Variants in NSL1 observed in about 807,000 individuals in gnomAD.
NSL1 encodes the protein NSL1 component of MIS12 kinetochore complex.
NSL1 carries 11 observed loss-of-function variants against 25.4 expected under a neutral mutation model. The ratio of observed to expected loss-of-function variants is 0.43; its 90% CI spans 0.27 to 0.72. The LOEUF is 0.72. Among genes scored for constraint, NSL1 ranks in the 30% least tolerant of loss-of-function variants. NSL1 has a pLI of 0.19. For missense variants in NSL1, 330 were observed against 342.7 expected (o/e 0.96, Z 0.29); for synonymous variants, 118 against 120.6 (o/e 0.98, Z 0.14).
intron 2 of NSL1, among the ~76,000 whole-genome samples, chr1:212,785,353 T>G (rs1218272150): frequency 3.9e-5 from 6 of 152,172 alleles, no homozygotes; most frequent in Admixed American, 3.9e-4. Flanking sequence ...AGATTTTTTT[T>G]TTAATACTTT....
intron 4 of NSL1, among the ~76,000 whole-genome samples, chr1:212,756,952 G>C (rs1394418636): frequency 6.6e-6 from 1 of 152,192 alleles, no homozygotes; most frequent in East Asian, 1.9e-4. Flanking sequence ...AAGTGGCAGA[G>C]AAAAATAAAG....
At chr1:212,747,414 T>G (rs1020355467) in intron 4 of NSL1, among the ~76,000 whole-genome samples, 1 of 152,224 alleles carries the variant, frequency 6.6e-6, no homozygotes, top group African/African-American at 2.4e-5. Context: ...TGTAAGGAAC[T>G]AAAGTCTCTA....
chr1:212,786,340 C>T (rs1660944190), intron 2 of NSL1, among the ~76,000 whole-genome samples: 1 of 151,760 alleles, frequency 6.6e-6, no homozygotes, highest in African/African-American at 2.4e-5. Context: ...AAGCAGCCCT[C>T]CCTAAATTTT....
In NSL1 at chr1:212,738,022, CTCTT is replaced by C. The variant is rs1186652456; in HGVS notation, c.*382_*385del. 2.1e-6 allele frequency: 2 copies of C among 934,876 alleles called. No individual in the cohort carries two copies. Among genetic ancestry groups the C allele is most frequent in the Non-Finnish European group, 2.5e-6 (2 of 803,836 alleles). The allele number at this position is 934,876 out of a possible 1,614,324, so 57.9% of individuals were successfully genotyped here. On this transcript the variant is annotated 3_prime_UTR_variant, in exon 6 of 6. Transcript: ENST00000366977. ...ACGAAAAATCATTATACAGCTCTCT[CTCTT>C]TTTTTTTTTTTTCCTAGAAAGATGT...
chr1:212,788,343 T>C (rs1212299639), intron 1 of NSL1, among the ~76,000 whole-genome samples: 6 of 152,134 alleles, frequency 3.9e-5, no homozygotes, highest in Non-Finnish European at 7.4e-5. Context: ...AGCCCAGTGG[T>C]TTGAGAATAC....
chr1:212,744,477 T>C (rs1658663542), intron 4 of NSL1, among the ~76,000 whole-genome samples: 1 of 152,072 alleles, frequency 6.6e-6, no homozygotes, highest in Non-Finnish European at 1.5e-5. Flanking sequence ...TTATGAGGCA[T>C]GCGAAAATAC....
At chr1:212,782,956 AT>A (rs1208169981) in intron 3 of NSL1, among the ~76,000 whole-genome samples, 1 of 152,202 alleles carries the variant, frequency 6.6e-6, no homozygotes, top group African/African-American at 2.4e-5. Context: ...GCTCTTCCTT[AT>A]TCTTGCCCAA....
Position 212,734,963 on chromosome 1 carries a change from T to C in NSL1, c.*3445A>G, listed in dbSNP as rs1275371283. The stretch of plus-strand genomic sequence containing the variant: ...AATAACAGTGATCATAGAGTACTCA[T>C]ATGCACCAGTTATTAGTCTAAGGCC... On this transcript the variant is annotated 3_prime_UTR_variant, in exon 6 of 6. Transcript: ENST00000366977. 6.6e-6 allele frequency among the ~76,000 whole-genome samples: 1 copy of C among 152,238 alleles called. No individual in the cohort carries two copies. The highest frequency in any genetic ancestry group is 1.5e-5 in the Non-Finnish European group (1 of 68,042).
rs1180205535 is a variant in NSL1 at position 212,739,596 on chromosome 1, G to A, written c.505C>T (p.His169Tyr). ...DLKYDPDPAP[H>Y]MENLKCRGET... ...CCTCTGCATTTCAAATTTTCCATATGAGGGGCTGCAAAAACATTGCCAAAC... is the reference window on the plus strand; with the variant it reads ...CCTCTGCATTTCAAATTTTCCATATAAGGGGCTGCAAAAACATTGCCAAAC... The change falls in exon 5 of 6, where the codon CAT becomes TAT. Residue 169 changes from histidine (H) to tyrosine (Y), a missense_variant. Physicochemically the swap from His to Tyr is moderately conservative, Grantham distance 83. Transcript: ENST00000366977. 9 of 1,613,152 alleles carry A rather than the reference G, an allele frequency of 5.6e-6. No individual in the cohort carries two copies. The South Asian group carries it at 7.7e-5, about 14-fold the overall frequency.
intron 4 of NSL1, among the ~76,000 whole-genome samples, chr1:212,749,239 G>A (rs1658946500): frequency 1.3e-5 from 2 of 151,712 alleles, no homozygotes; most frequent in South Asian, 2.1e-4. Context: ...TTTATGAATA[G>A]GGTAAGGTAA....
chr1:212,775,825 T>C (rs1396674362), intron 4 of NSL1, among the ~76,000 whole-genome samples: 1 of 144,918 alleles, frequency 6.9e-6, no homozygotes, highest in Non-Finnish European at 1.6e-5. Flanking sequence ...CATAAATTGG[T>C]GGTTTTTTTT....
rs1292715197 is a variant in NSL1, at chr1:212,727,512, A to G, written c.*10896T>C. 5.1e-6 allele frequency: 5 copies of G among 985,350 alleles called. No individual in the cohort carries two copies. The highest frequency in any genetic ancestry group is 3.5e-5 in the African/African-American group (2 of 57,258). The allele number at this position is 985,350 out of a possible 1,614,324, so 61.0% of individuals were successfully genotyped here. On this transcript the variant is annotated 3_prime_UTR_variant, in exon 6 of 6. Transcript: ENST00000366977. ...TCCTTTTGCAATTTAGGTTAATATC[A>G]TAACTATACCACTGGAGAGAAAGGA...
Position 212,787,542 on chromosome 1 carries a change from AG to A in NSL1, c.313+16del. ...AAATAACCCAGAAATTAATAATGGA[AG>A]GAAAAAGTCACATACCCATAAAACA... On this transcript the variant is annotated intron_variant, in intron 2 of 5. Coordinates refer to ENST00000366977, the MANE Select transcript of NSL1 (RefSeq NM_015471.4). The A allele has an allele frequency of 6.4e-7, 1 of 1,559,936 alleles. No individual in the cohort carries two copies. The highest frequency in any genetic ancestry group is 1.2e-5 in the South Asian group (1 of 82,888).
In NSL1 at chr1:212,784,503, A is replaced by T. The variant is rs1396863873; in HGVS notation, c.314-10T>A. The T allele has an allele frequency of 9.7e-6, 14 of 1,447,480 alleles. No homozygotes were observed. Among genetic ancestry groups the T allele is most frequent in the Non-Finnish European group, 1.3e-5 (14 of 1,068,140 alleles). 89.7% of individuals were successfully genotyped at this position (1,447,480 alleles called of 1,614,324 possible). A position where few individuals can be genotyped will look rare whatever the true frequency, so the allele number is the denominator to read the frequency against. On this transcript the variant is annotated splice_polypyrimidine_tract_variant and intron_variant, in intron 2 of 5. Transcript: ENST00000366977. ...ACTTTGATGTCAGAATCTATTTGAGAAAAAAAAATGTATATATAAAAAGTT... is the reference window on the plus strand; with the variant it reads ...ACTTTGATGTCAGAATCTATTTGAGTAAAAAAAATGTATATATAAAAAGTT...
At position 212,736,637 on chromosome 1, in the gene NSL1, G is replaced by C; in HGVS notation, c.*1771C>G. The C allele has an allele frequency of 1.0e-6, 1 of 985,180 alleles. No individual in the cohort carries two copies. The highest frequency in any genetic ancestry group is 1.2e-6 in the Non-Finnish European group (1 of 829,790). 61.0% of individuals were successfully genotyped at this position (985,180 alleles called of 1,614,324 possible). A position where few individuals can be genotyped will look rare whatever the true frequency, so the allele number is the denominator to read the frequency against. ...TGCTATAACTATGGAGTAAAACTTT[G>C]GGCTCTCAAGAGGATTTCAAATCTC... On this transcript the variant is annotated 3_prime_UTR_variant, in exon 6 of 6. Coordinates refer to ENST00000366977, the MANE Select transcript of NSL1 (RefSeq NM_015471.4).
intron 4 of NSL1, among the ~76,000 whole-genome samples, chr1:212,757,118 T>G (rs751782994): frequency 1.3e-5 from 2 of 152,094 alleles, no homozygotes; most frequent in Non-Finnish European, 2.9e-5. Flanking sequence ...TACAGGGAGT[T>G]GCGAGTATGA....
At chr1:212,753,769 TTG>T (rs957604080) in intron 4 of NSL1, among the ~76,000 whole-genome samples, 2 of 152,216 alleles carry the variant, frequency 1.3e-5, no homozygotes, top group African/African-American at 4.8e-5. Context: ...GCTTTCAGTT[TTG>T]TGAGAGAGCA....
chr1:212,744,512 A>C (rs1269983802), intron 4 of NSL1, among the ~76,000 whole-genome samples: 1 of 152,158 alleles, frequency 6.6e-6, no homozygotes, highest in African/African-American at 2.4e-5. Flanking sequence ...CATTCACAGG[A>C]AAAAAAGGAA....
Position 212,784,428 on chromosome 1 carries a change from T to TA in NSL1, c.378dup (p.Lys127Ter), listed in dbSNP as rs1183734299. 3 of 1,600,884 alleles carry TA rather than the reference T, an allele frequency of 1.9e-6. No individual in the cohort carries two copies. The highest frequency in any genetic ancestry group is 2.6e-6 in the Non-Finnish European group (3 of 1,170,176). On this transcript the variant is annotated frameshift_variant, in exon 3 of 6. Coordinates refer to ENST00000366977, the MANE Select transcript of NSL1 (RefSeq NM_015471.4). LOFTEE classifies it high-confidence loss of function. ...TCCAGGATCTTTCTGGGATACTGCTTACGTTTTGTGGCTATATCTACTATG... is the reference window on the plus strand; with the variant it reads ...TCCAGGATCTTTCTGGGATACTGCTTAACGTTTTGTGGCTATATCTACTATG...
Sources: gnomAD v4.1 joint callset for allele counts (sites outside exome capture counted in the v4.1 genomes callset) on GRCh38, gnomAD v4.1.1 for gene constraint, MANE v1.5 for transcripts, NCBI Gene and HGNC (gene_info 2026-07-23, HGNC 2026-07-21) for gene names.